The following PDHA1 variants were observed in gnomAD, a reference collection of about 807,000 sequenced individuals.
PDHA1 encodes the protein pyruvate dehydrogenase E1 subunit alpha 1, also known as pyruvate dehydrogenase E1 component subunit alpha, somatic form, mitochondrial.
A neutral mutation model predicts 33.0 loss-of-function variants in PDHA1; 1 was observed. That is an observed-to-expected ratio of 0.03 (90% CI 0.01 to 0.14). The LOEUF (loss-of-function observed/expected upper bound fraction) is 0.14, where lower values mean the gene tolerates loss of function less well. PDHA1 is among the 10% of genes least tolerant of loss of function. The pLI, the probability that PDHA1 is intolerant of heterozygous loss-of-function variation, is 1.00. For synonymous variants in PDHA1, 123 were observed against 119.2 expected (o/e 1.03, Z -0.21); for missense variants, 168 against 325.1 (o/e 0.52, Z 3.72).
chrX:19,354,715 G>T, intron 6 of PDHA1, 132 bp downstream of exon 6: 1 of 532,640 alleles, frequency 1.9e-6, no homozygotes. Context: ...CTCAAATTTG[G>T]TTGACTTATG....
chrX:19,360,075 T>TATTA lies in PDHA1; in HGVS notation c.*423_*426dup, dbSNP rs1214967488. Reference sequence around the variant, plus strand: ...CCATTTCTCTACAAGATACAATATTTATTATCAGGCAAGAGGACAGTTCCA... The same window carrying TATTA: ...CCATTTCTCTACAAGATACAATATTTATTAATTATCAGGCAAGAGGACAGTTCCA... On this transcript the variant is annotated 3_prime_UTR_variant, in exon 11 of 11. Transcript: ENST00000422285. The TATTA allele has an allele frequency of 5.4e-6, 1 of 185,440 alleles. No homozygotes were observed. Among genetic ancestry groups the TATTA allele is most frequent in the East Asian group, 1.5e-4 (1 of 6,646 alleles). The allele number at this position is 185,440 out of a possible 1,213,427, so 15.3% of individuals were successfully genotyped here.
At position 19,360,835 on chromosome X, in the gene PDHA1, T is replaced by TG; in HGVS notation, c.*1185dup. On this transcript the variant is annotated 3_prime_UTR_variant, in exon 11 of 11. Coordinates refer to ENST00000422285, the MANE Select transcript of PDHA1 (RefSeq NM_000284.4). ...CAGAGTCTGCAGAGGAGACCACCCC[T>TG]GGGAAACAAACACAGCTGTCTTCAG... is the stretch of plus-strand genomic sequence containing the variant. The TG allele has an allele frequency of 8.4e-7, 1 of 1,194,720 alleles. No homozygotes were observed. Among genetic ancestry groups the TG allele is most frequent in the Non-Finnish European group, 1.1e-6 (1 of 885,209 alleles).
chrX:19,352,090 C>T (rs1467587299), intron 4 of PDHA1, among the ~76,000 whole-genome samples: 1 of 110,098 alleles, frequency 9.1e-6, no homozygotes, highest in Non-Finnish European at 1.9e-5. Context: ...CGTGAGCCAC[C>T]GCACCTGGCC....
Position 19,360,754 on chromosome X carries a change from C to A in PDHA1, c.*1101C>A. The stretch of plus-strand genomic sequence containing the variant: ...CACAGCTTAGCTGATTGGTATCAAG[C>A]CTTGTCTTTGGTTTCTGAGGCCTCC... On this transcript the variant is annotated 3_prime_UTR_variant, in exon 11 of 11. Coordinates refer to ENST00000422285, the MANE Select transcript of PDHA1 (RefSeq NM_000284.4). 8.3e-7 allele frequency: 1 copy of A among 1,206,179 alleles called. No homozygotes were observed. The highest frequency in any genetic ancestry group is 1.1e-6 in the Non-Finnish European group (1 of 891,642).
At chrX:19,350,252 A>C in intron 3 of PDHA1, 142 bp downstream of exon 3, 1 of 523,533 alleles carries the variant, frequency 1.9e-6, no homozygotes, top group South Asian at 2.7e-5. Flanking sequence ...TTTTTTTGAG[A>C]CAGTCTCTCT....
At chrX:19,352,076 C>T (rs536735857) in intron 4 of PDHA1, among the ~76,000 whole-genome samples, 1 of 110,035 alleles carries the variant, frequency 9.1e-6, no homozygotes, top group South Asian at 3.9e-4. Flanking sequence ...GCTGGGGTTA[C>T]AGGCGTGAGC....
intron 7 of PDHA1, 35 bp downstream of exon 7, chrX:19,355,539 C>T (rs2063190806): frequency 4.2e-6 from 5 of 1,197,718 alleles, no homozygotes; most frequent in East Asian, 3.0e-5. Context: ...GGGCCAAGGC[C>T]AAGGCCAAGG....
In PDHA1 at chrX:19,360,860, G is replaced by A; in HGVS notation, c.*1207G>A. The stretch of plus-strand genomic sequence containing the variant: ...TGGGAAACAAACACAGCTGTCTTCA[G>A]AGTCAGTGCTTCAAGCCAACAGAGC... On this transcript the variant is annotated 3_prime_UTR_variant, in exon 11 of 11. Transcript: ENST00000422285. 9.0e-7 allele frequency: 1 copy of A among 1,110,297 alleles called. No individual in the cohort carries two copies. Among genetic ancestry groups the A allele is most frequent in the Non-Finnish European group, 1.2e-6 (1 of 817,354 alleles). The allele number at this position is 1,110,297 out of a possible 1,213,427, so 91.5% of individuals were successfully genotyped here.
chrX:19,361,064 G>A lies in PDHA1; in HGVS notation c.*1411G>A, dbSNP rs2063279562. 1 of 418,103 alleles carries A rather than the reference G, an allele frequency of 2.4e-6. No homozygotes were observed. Among genetic ancestry groups the A allele is most frequent in the Admixed American group, 4.6e-5 (1 of 21,611 alleles). The allele number at this position is 418,103 out of a possible 1,213,427, so 34.5% of individuals were successfully genotyped here. On this transcript the variant is annotated 3_prime_UTR_variant, in exon 11 of 11. Coordinates refer to ENST00000422285, the MANE Select transcript of PDHA1 (RefSeq NM_000284.4). ...AAGGCAGGCTGCAGTTTAAAGAAGG[G>A]GGTGGGTCCAGCGTGCAGGCACGCT...
rs1003909173 is a variant in PDHA1, at chrX:19,359,851, G to A, written c.*198G>A. On this transcript the variant is annotated 3_prime_UTR_variant, in exon 11 of 11. Transcript: ENST00000422285. ...AAAGATGAATTATTGAGTGCTTAAA[G>A]ATTATTTTTGACTTAAAATAGTATA... 2.2e-4 allele frequency: 102 copies of A among 464,761 alleles called. No homozygotes were observed. Among genetic ancestry groups the A allele is most frequent in the Admixed American group, 1.2e-4 (4 of 32,892 alleles). The allele number at this position is 464,761 out of a possible 1,213,427, so 38.3% of individuals were successfully genotyped here.
intron 6 of PDHA1, 62 bp downstream of exon 6, chrX:19,354,645 T>C: frequency 2.7e-6 from 2 of 733,753 alleles, no homozygotes; most frequent in Non-Finnish European, 4.4e-6. Flanking sequence ...ATATTTACAG[T>C]TGAATTTCTA....
At chrX:19,353,337 T>G in intron 5 of PDHA1, 164 bp downstream of exon 5, 1 of 501,139 alleles carries the variant, frequency 2.0e-6, no homozygotes, top group South Asian at 2.8e-5. Flanking sequence ...CATAAGATTA[T>G]AATGGAGCTG....
At chrX:19,350,135 C>A (rs1260684349) in intron 3 of PDHA1, 25 bp downstream of exon 3, 1 of 1,128,391 alleles carries the variant, frequency 8.9e-7, no homozygotes, top group South Asian at 1.8e-5. Flanking sequence ...TGTGGTGGAA[C>A]TGTGTTATTT....
In PDHA1 at chrX:19,348,407, A is replaced by C. The variant is rs748310762; in HGVS notation, c.58-905A>C. Among the ~76,000 whole-genome samples, 4 of 112,519 alleles carry C rather than the reference A, an allele frequency of 3.6e-5. No individual in the cohort carries two copies. In the South Asian group the frequency reaches 1.4e-3, roughly 41 times the overall value. On this transcript the variant is annotated intron_variant, in intron 1 of 10. Transcript: ENST00000422285. ...GTCCAAGATTTAGGCTGTTCAAATT[A>C]TAAATTATAAAACAGCTGGCTCAAG...
At position 19,349,390 on chromosome X, in the gene PDHA1, T is replaced by A. The variant is rs373859720; in HGVS notation, c.117+19T>A. 46 of 1,020,917 alleles carry A rather than the reference T, an allele frequency of 4.5e-5. No individual in the cohort carries two copies. The African/African-American group carries it at 7.4e-4, about 17-fold the overall frequency. The allele number at this position is 1,020,917 out of a possible 1,213,427, so 84.1% of individuals were successfully genotyped here. A position where few individuals can be genotyped will look rare whatever the true frequency, so the allele number is the denominator to read the frequency against. On this transcript the variant is annotated intron_variant, in intron 2 of 10. Coordinates refer to ENST00000422285, the MANE Select transcript of PDHA1 (RefSeq NM_000284.4). ...AATTAAGGTAAGAGGTGTTTTACTT[T>A]GTTAATAATTTTTTCACAGGTACAC...
intron 8 of PDHA1, 65 bp downstream of exon 8, chrX:19,355,822 T>C (rs2063193501): frequency 1.3e-5 from 11 of 837,642 alleles, no homozygotes; most frequent in South Asian, 1.2e-4. Flanking sequence ...CTGCCTCCCA[T>C]GTGCCTGCTG....
intron 10 of PDHA1, 126 bp downstream of exon 10, chrX:19,359,150 T>TAGTTCCAA: frequency 3.9e-6 from 2 of 516,076 alleles, no homozygotes; most frequent in Non-Finnish European, 7.0e-6. Context: ...AATAGTTCCA[T>TAGTTCCAA]AGTTCCAAAG....
chrX:19,359,638 T>TAAGTCAGTCAGTTAAGGGG lies in PDHA1; in HGVS notation c.1160_*5dup. 5 of 1,210,510 alleles carry TAAGTCAGTCAGTTAAGGGG rather than the reference T, an allele frequency of 4.1e-6. No individual in the cohort carries two copies. The highest frequency in any genetic ancestry group is 5.6e-6 in the Non-Finnish European group (5 of 894,666). ...GTGGTGCCAATCAGTGGATCAAGTT[T>TAAGTCAGTCAGTTAAGGGG]AAGTCAGTCAGTTAAGGGGAGGAGA... is the stretch of plus-strand genomic sequence containing the variant. On this transcript the variant is annotated stop_gained and frameshift_variant, in exon 11 of 11. Coordinates refer to ENST00000422285, the MANE Select transcript of PDHA1 (RefSeq NM_000284.4). LOFTEE classifies it high-confidence loss of function.
chrX:19,356,625 C>G (rs2063202016), intron 8 of PDHA1, among the ~76,000 whole-genome samples: 1 of 111,919 alleles, frequency 8.9e-6, no homozygotes, highest in African/African-American at 3.3e-5. Flanking sequence ...CCACCTCTCC[C>G]AATTCCTGAA....
Sources: gnomAD v4.1 joint callset for allele counts (sites outside exome capture counted in the v4.1 genomes callset) on GRCh38, gnomAD v4.1.1 for gene constraint, MANE v1.5 for transcripts, NCBI Gene and HGNC (gene_info 2026-07-23, HGNC 2026-07-21) for gene names.